Variants in OR51B5 observed in about 807,000 individuals in gnomAD.
OR51B5 encodes olfactory receptor 51B5.
For synonymous variants in OR51B5, 186 were observed against 144.8 expected, an observed-to-expected ratio of 1.28 and a Z score of -2.04; for missense variants, 456 against 374.6, an observed-to-expected ratio of 1.22 and a Z score of -1.79.
chr11:5,402,590 T>C (rs1161337807), intron 1 of OR51B5: 2 of 467,170 alleles, frequency 4.3e-6, no homozygotes, highest in Admixed American at 4.7e-5. Flanking sequence ...GAGGATGATA[T>C]GTCAACATGA....
At chr11:5,463,298 G>C (rs1293107118) in intron 1 of OR51B5, among the ~76,000 whole-genome samples, 3 of 152,270 alleles carry the variant, frequency 2.0e-5, no homozygotes, top group African/African-American at 7.2e-5. Context: ...AAGTATAATT[G>C]CCAGCCAAAC....
At chr11:5,405,511 CAAA>C (rs2133745579) in intron 1 of OR51B5, among the ~76,000 whole-genome samples, 1 of 141,166 alleles carries the variant, frequency 7.1e-6, no homozygotes, top group African/African-American at 2.6e-5. Context: ...TTCTTCCACT[CAAA>C]GAACTTAGAA....
At chr11:5,436,149 C>G (rs1240284279) in intron 1 of OR51B5, among the ~76,000 whole-genome samples, 2 of 152,148 alleles carry the variant, frequency 1.3e-5, no homozygotes, top group African/African-American at 4.8e-5. Context: ...ATTAAGGACA[C>G]TGAAGGAATG....
chr11:5,344,914 G>A (rs1038232962), upstream of OR51B5, among the ~76,000 whole-genome samples: 3 of 152,056 alleles, frequency 2.0e-5, no homozygotes, highest in Non-Finnish European at 1.5e-5. Flanking sequence ...CAGTTTGAGG[G>A]GCCTAGAACT....
At chr11:5,431,065 T>C (rs995801520) in intron 1 of OR51B5, 1 of 452,740 alleles carries the variant, frequency 2.2e-6, no homozygotes, top group African/African-American at 2.0e-5. Flanking sequence ...GTGGAGGCAG[T>C]AGGAGTGTGA....
chr11:5,438,825 G>T (rs1850629292), intron 1 of OR51B5, among the ~76,000 whole-genome samples: 1 of 152,150 alleles, frequency 6.6e-6, no homozygotes, highest in Non-Finnish European at 1.5e-5. Context: ...CCTGTGGAGT[G>T]GAAGTTAAAC....
chr11:5,342,877 A>G (rs1486696405), exon 1 of OR51B5: 5 of 1,613,054 alleles, frequency 3.1e-6, no homozygotes, highest in African/African-American at 1.3e-5. Flanking sequence ...GTATCAACAC[A>G]TAGGAGATGA....
At chr11:5,449,927 A>T (rs1477778743) in intron 1 of OR51B5, among the ~76,000 whole-genome samples, 1 of 152,136 alleles carries the variant, frequency 6.6e-6, no homozygotes. Flanking sequence ...ACAGATTGAA[A>T]ACTGTGGTCT....
chr11:5,383,035 G>C (rs534269873), intron 1 of OR51B5, among the ~76,000 whole-genome samples: 1 of 152,266 alleles, frequency 6.6e-6, no homozygotes, highest in African/African-American at 2.4e-5. Flanking sequence ...ATGTACACAT[G>C]ACCTGATCAC....
intron 1 of OR51B5, chr11:5,489,304 G>A: frequency 6.2e-7 from 1 of 1,610,606 alleles, no homozygotes; most frequent in African/African-American, 1.3e-5. Flanking sequence ...TGTCAATATT[G>A]TCTATGGGCT....
chr11:5,469,150 G>A (rs1038330112), intron 1 of OR51B5: 8 of 222,612 alleles, frequency 3.6e-5, no homozygotes, highest in African/African-American at 1.4e-4. Flanking sequence ...TTGTCTCTGG[G>A]GCATGAAAAC....
At chr11:5,422,221 C>T in intron 1 of OR51B5, 1 of 1,611,482 alleles carries the variant, frequency 6.2e-7, no homozygotes, top group Non-Finnish European at 8.5e-7. Flanking sequence ...TGACTAACAC[C>T]ACACAAGAAG....
chr11:5,377,537 G>A (rs1000968176), intron 1 of OR51B5, among the ~76,000 whole-genome samples: 8 of 152,024 alleles, frequency 5.3e-5, no homozygotes, highest in South Asian at 4.1e-4. Context: ...GTTTGCAGAC[G>A]ACATGATTGT....
At position 5,442,606 on chromosome 11, in the gene OR51B5, T is replaced by C. The variant is rs945637637; in HGVS notation, n.84+62963A>G. On this transcript the variant is annotated intron_variant and non_coding_transcript_variant, in intron 1 of 4. Coordinates refer to the OR51B5 transcript ENST00000415970. ...ATTCTTAACCAAATTTCTTGAAAAATTGTCTCTCCAGGTACCTGAAAATAG... is the reference window on the plus strand; with the variant it reads ...ATTCTTAACCAAATTTCTTGAAAAACTGTCTCTCCAGGTACCTGAAAATAG... 2.6e-5 allele frequency among the ~76,000 whole-genome samples: 4 copies of C among 152,184 alleles called. No individual in the cohort carries two copies. The South Asian group carries it at 8.3e-4, about 31-fold the overall frequency.
At chr11:5,476,050 T>G (rs1851300787) in intron 1 of OR51B5, among the ~76,000 whole-genome samples, 2 of 152,182 alleles carry the variant, frequency 1.3e-5, no homozygotes, top group African/African-American at 4.8e-5. Context: ...ATAAAGTGAT[T>G]TACTCACTTT....
chr11:5,441,261 G>T, intron 1 of OR51B5: 1 of 1,613,984 alleles, frequency 6.2e-7, no homozygotes. Flanking sequence ...GCAGAAAGTA[G>T]AAATCACAGT....
intron 1 of OR51B5, among the ~76,000 whole-genome samples, chr11:5,403,830 C>T (rs966884942): frequency 2.6e-5 from 4 of 152,098 alleles, no homozygotes; most frequent in Non-Finnish European, 5.9e-5. Context: ...GATTGTAACA[C>T]AGCACTCCTA....
At chr11:5,369,101 A>T (rs950368493) in intron 1 of OR51B5, among the ~76,000 whole-genome samples, 1 of 152,166 alleles carries the variant, frequency 6.6e-6, no homozygotes, top group African/African-American at 2.4e-5. Context: ...CCACCTAGAG[A>T]CATATGGCCA....
At chr11:5,408,751 G>C (rs1337693575) in intron 1 of OR51B5, among the ~76,000 whole-genome samples, 1 of 152,068 alleles carries the variant, frequency 6.6e-6, no homozygotes, top group Non-Finnish European at 1.5e-5. Context: ...CAGTTAATGA[G>C]AGTGACTCCA....
Sources: allele counts gnomAD v4.1 joint callset (sites outside exome capture counted in the v4.1 genomes callset), GRCh38; gene constraint gnomAD v4.1.1; transcripts MANE v1.5; gene names NCBI Gene and HGNC (gene_info 2026-07-23, HGNC 2026-07-21).